WASHC5: variants seen among roughly 807,000 people sequenced by gnomAD.
The protein encoded by WASHC5 is WASH complex subunit 5, also known as WASH complex subunit strumpellin.
In WASHC5, 101 loss-of-function variants were observed where a neutral mutation model predicts 150.4. That is an observed-to-expected ratio of 0.67 (90% CI 0.57 to 0.79). WASHC5 has a LOEUF of 0.79. Ranked by LOEUF, WASHC5 falls within the 30% of genes least tolerant of loss-of-function variation. The pLI, the probability that WASHC5 is intolerant of heterozygous loss-of-function variation, is 0.00. For synonymous variants in WASHC5, 467 were observed against 491.2 expected (o/e 0.95, Z 0.65); for missense variants, 1,195 against 1,396.3 (o/e 0.86, Z 2.30).
intron 12 of WASHC5, among the ~76,000 whole-genome samples, chr8:125,059,941 A>G (rs554155985): frequency 3.9e-5 from 6 of 152,250 alleles, no homozygotes; most frequent in Non-Finnish European, 8.8e-5. Flanking sequence ...TTACGATCAT[A>G]TTATAGACTA....
chr8:125,081,610 G>A, intron 5 of WASHC5, 51 bp downstream of exon 5: 1 of 986,170 alleles, frequency 1.0e-6, no homozygotes. Flanking sequence ...GACATACACT[G>A]CATTTTACCG....
At chr8:125,030,012 G>A (rs1472197270) in intron 27 of WASHC5, among the ~76,000 whole-genome samples, 2 of 152,178 alleles carry the variant, frequency 1.3e-5, no homozygotes, top group Non-Finnish European at 2.9e-5. Context: ...CCTTTGCTCT[G>A]CTGAATCAGA....
At chr8:125,043,759 G>C in intron 23 of WASHC5, 66 bp downstream of exon 23, 1 of 1,168,906 alleles carries the variant, frequency 8.6e-7, no homozygotes, top group South Asian at 1.3e-5. Context: ...GGGCAACAAA[G>C]TTACAAGAAA....
At position 125,081,680 on chromosome 8, in the gene WASHC5, C is replaced by G; in HGVS notation, c.499G>C (p.Val167Leu). The change falls in exon 5 of 29, where the codon GTT becomes CTT. Residue 167 changes from valine to leucine, a missense_variant. Coordinates refer to ENST00000318410, the MANE Select transcript of WASHC5 (RefSeq NM_014846.4). ...GAATACCTGTATCGGTAGTAAGAAA[C>G]CAGCATCCTCTCTCTGACTTCTCCT... is the stretch of plus-strand genomic sequence containing the variant. ...IEGEVRERML[V>L]SYYRYSAARS... is the part of the protein sequence containing the mutation. 2 of 1,609,178 alleles carry G rather than the reference C, an allele frequency of 1.2e-6. No homozygotes were observed. The highest frequency in any genetic ancestry group is 1.7e-6 in the Non-Finnish European group (2 of 1,175,828).
chr8:125,024,543 T>G lies in WASHC5; in HGVS notation c.*74A>C. The G allele has an allele frequency of 3.4e-6, 4 of 1,179,608 alleles. No homozygotes were observed. The South Asian group carries it at 3.7e-5, about 11-fold the overall frequency. 73.1% of individuals were successfully genotyped at this position (1,179,608 alleles called of 1,614,324 possible). A position where few individuals can be genotyped will look rare whatever the true frequency, so the allele number is the denominator to read the frequency against. Reference sequence around the variant, plus strand: ...AGTTGTATGAGCAACTGAGTTTCTTTTCATCTTCAAATTCATTTGTGATGG... The same window carrying G: ...AGTTGTATGAGCAACTGAGTTTCTTGTCATCTTCAAATTCATTTGTGATGG... On this transcript the variant is annotated 3_prime_UTR_variant, in exon 29 of 29. Transcript: ENST00000318410.
chr8:125,037,330 A>C lies in WASHC5; in HGVS notation c.3088T>G (p.Tyr1030Asp). The C allele has an allele frequency of 6.4e-7, 1 of 1,573,014 alleles. No homozygotes were observed. The highest frequency in any genetic ancestry group is 8.8e-7 in the Non-Finnish European group (1 of 1,142,752). Reference protein sequence around the residue: ...AGIHNPLNKIYITTKRLPYFP... With the variant: ...AGIHNPLNKIDITTKRLPYFP... ...TAGGGTAAGCGCTTTGTTGTTATGT[A>C]TATCTGGAAAGAGAAAGGTAAGAAA... The change falls in exon 26 of 29, where the codon TAC (tyrosine) becomes GAC (aspartate). Residue 1030 changes from tyrosine (Y) to aspartate (D), a missense_variant. This residue lies in a region of WASHC5 where 997 missense variants were observed against 1,168.1 expected (regional missense o/e 0.85). Transcript: ENST00000318410.
chr8:125,090,539 C>A (rs1817575785), intron 1 of WASHC5, among the ~76,000 whole-genome samples: 1 of 152,162 alleles, frequency 6.6e-6, no homozygotes, highest in African/African-American at 2.4e-5. Context: ...ACTATATTTT[C>A]TTATTTTCTT....
chr8:125,063,586 C>T lies in WASHC5; in HGVS notation c.1344G>A (p.Glu448=), dbSNP rs1816665175. ...AGACATCAGCAAGCTCAGTCATCCG[C>T]TCCGAACCCTCTTTCTTGTAATGCT... ...KWEHYKKEGS[E]RMTELADVFS... is the part of the protein sequence containing the mutation. Residue 448 remains glutamate (E), a synonymous_variant, in exon 11 of 29, where the codon GAG becomes GAA. Coordinates refer to ENST00000318410, the MANE Select transcript of WASHC5 (RefSeq NM_014846.4). 1 of 1,613,992 alleles carries T rather than the reference C, an allele frequency of 6.2e-7. No individual in the cohort carries two copies. The highest frequency in any genetic ancestry group is 1.3e-5 in the African/African-American group (1 of 75,038).
chr8:125,076,678 C>G (rs1817071454), intron 6 of WASHC5, among the ~76,000 whole-genome samples, 178 bp from the exon 7 acceptor site: 1 of 150,930 alleles, frequency 6.6e-6, no homozygotes, highest in South Asian at 2.1e-4. Context: ...GGTCTTCCTT[C>G]TTATTCCTAA....
intron 20 of WASHC5, among the ~76,000 whole-genome samples, chr8:125,046,724 TATTA>T (rs1393159683): frequency 6.6e-6 from 1 of 151,834 alleles, no homozygotes; most frequent in Non-Finnish European, 1.5e-5. Context: ...GTTCAATAAA[TATTA>T]GTTGTTGCTA....
Position 125,032,247 on chromosome 8 carries a change from C to T in WASHC5, c.3329G>A (p.Cys1110Tyr), listed in dbSNP as rs761053851. Residue 1110 changes from cysteine to tyrosine, a missense_variant, in exon 27 of 29, where the codon TGT becomes TAT. Coordinates refer to ENST00000318410, the MANE Select transcript of WASHC5 (RefSeq NM_014846.4). The part of the protein sequence containing the change: ...GQFICSTVEQ[C>Y]TSQKIPEIPA... Reference sequence around the variant, plus strand: ...CCTGGTTGGTCTTCTGTACCTTGTACACTGCTCCACCGTGGAGCAGATAAA... The same window carrying T: ...CCTGGTTGGTCTTCTGTACCTTGTATACTGCTCCACCGTGGAGCAGATAAA... 2.0e-5 allele frequency: 32 copies of T among 1,614,104 alleles called. No homozygotes were observed. The South Asian group carries it at 3.4e-4, about 17-fold the overall frequency.
intron 1 of WASHC5, among the ~76,000 whole-genome samples, chr8:125,086,310 A>G (rs1056904961): frequency 2.0e-5 from 3 of 152,038 alleles, no homozygotes; most frequent in Non-Finnish European, 4.4e-5. Context: ...CCCATTGCTC[A>G]TTTCTTTGTA....
chr8:125,073,814 C>G (rs186897364), intron 8 of WASHC5, among the ~76,000 whole-genome samples: 1 of 152,286 alleles, frequency 6.6e-6, no homozygotes, highest in East Asian at 1.9e-4. Flanking sequence ...GGGCTTAACC[C>G]CTGTGTATTG....
intron 6 of WASHC5, among the ~76,000 whole-genome samples, 163 bp from the exon 7 acceptor site, chr8:125,076,663 G>T (rs1338237709): frequency 2.7e-5 from 4 of 149,824 alleles, no homozygotes; most frequent in Non-Finnish European, 5.9e-5. Flanking sequence ...ACCATTGCTT[G>T]CCAAGGTCTT....
intron 4 of WASHC5, 121 bp from the exon 5 acceptor site, chr8:125,081,882 G>A (rs568486782): frequency 3.2e-5 from 23 of 717,626 alleles, no homozygotes; most frequent in Non-Finnish European, 5.3e-5. Context: ...AGATTTCAAG[G>A]AAAAGGTAGG....
chr8:125,090,944 G>T (rs1173040947), intron 1 of WASHC5, among the ~76,000 whole-genome samples: 7 of 152,212 alleles, frequency 4.6e-5, no homozygotes, highest in Non-Finnish European at 4.4e-5. Context: ...AGGACAATTA[G>T]AGAAGGTGTC....
At chr8:125,089,438 T>C (rs2384915) in intron 1 of WASHC5, among the ~76,000 whole-genome samples, 41,153 of 152,118 alleles carry the variant, frequency 0.27, 6,178 homozygotes, top group South Asian at 0.42. Context: ...TTTAAGCAAG[T>C]TTACAAATTT....
At chr8:125,086,927 A>G (rs1490255910) in intron 1 of WASHC5, among the ~76,000 whole-genome samples, 1 of 152,250 alleles carries the variant, frequency 6.6e-6, no homozygotes, top group East Asian at 1.9e-4. Flanking sequence ...TGGTCCACTC[A>G]GCCCCCAGCT....
chr8:125,043,792 T>C, intron 23 of WASHC5, 33 bp downstream of exon 23: 1 of 1,431,264 alleles, frequency 7.0e-7, no homozygotes, highest in Non-Finnish European at 9.9e-7. Context: ...AAAATGTAAG[T>C]ATTGACTGTA....
Sources: allele counts gnomAD v4.1 joint callset (sites outside exome capture counted in the v4.1 genomes callset), GRCh38; gene constraint gnomAD v4.1.1; regional missense constraint gnomAD v4.1.1; transcripts MANE v1.5; gene names NCBI Gene and HGNC (gene_info 2026-07-23, HGNC 2026-07-21).